Variants in DEFB114 observed in about 807,000 individuals in gnomAD.
DEFB114 encodes the protein defensin beta 114, also known as beta-defensin 114.
In DEFB114, 4 loss-of-function variants were observed where a neutral mutation model predicts 2.4. The ratio of observed to expected loss-of-function variants is 1.67; its 90% CI spans 0.82 to 3.82. DEFB114 has a LOEUF of 3.82. DEFB114 is among the 30% of genes most tolerant of loss of function. DEFB114 has a pLI of 0.01. For missense variants in DEFB114, 113 were observed against 85.8 expected (o/e 1.32, Z -1.25); for synonymous variants, 35 against 24.6 (o/e 1.42, Z -1.26).
chr6:49,962,056 T>C (rs1245513520), intron 1 of DEFB114, among the ~76,000 whole-genome samples: 1 of 150,508 alleles, frequency 6.6e-6, no homozygotes, highest in Non-Finnish European at 1.5e-5. Flanking sequence ...TTTGAATACT[T>C]TTGTACTTGA....
At position 49,960,298 on chromosome 6, in the gene DEFB114, C is replaced by T; in HGVS notation, c.204G>A (p.Met68Ile). 1 of 1,601,960 alleles carries T rather than the reference C, an allele frequency of 6.2e-7. No individual in the cohort carries two copies. The highest frequency in any genetic ancestry group is 8.5e-7 in the Non-Finnish European group (1 of 1,173,570). Reference protein sequence around the residue: ...CTEKLYEEDDMF With the variant: ...CTEKLYEEDDIF ...CAGAGGTATGCCTTTCTTTTCAAAA[C>T]ATATCATCTTCTTCATACAATTTCT... Residue 68 changes from methionine (M) to isoleucine (I), a missense_variant, in exon 2 of 2, where the codon ATG becomes ATA. Physicochemically the swap from Met to Ile is conservative, Grantham distance 10. Transcript: ENST00000322066.
chr6:49,960,495 A>G lies in DEFB114; in HGVS notation c.56-49T>C, dbSNP rs904407265. The G allele has an allele frequency of 2.0e-6, 3 of 1,537,354 alleles. No individual in the cohort carries two copies. The Admixed American group carries it at 6.4e-5, about 33-fold the overall frequency. ...AAATTCTAATCTTTTATTTAAGCAT[A>G]TATTACTTCTGATTTCATAGAGTAT... On this transcript the variant is annotated intron_variant, in intron 1 of 1. Transcript: ENST00000322066.
Position 49,960,425 on chromosome 6 carries a change from G to T in DEFB114, c.77C>A (p.Ala26Asp). Residue 26 changes from alanine to aspartate, a missense_variant, in exon 2 of 2, where the codon GCT becomes GAT. Physicochemically the swap from Ala to Asp is moderately radical, Grantham distance 126. Coordinates refer to ENST00000322066, the MANE Select transcript of DEFB114 (RefSeq NM_001037499.2). ...ILPATCTLVN[A>D]DRCTKRYGRC... is the part of the protein sequence containing the mutation. Reference sequence around the variant, plus strand: ...ACCGTAACGTTTGGTGCAACGATCAGCATTCACCAAGGTACATGTGGCTAC... The same window carrying T: ...ACCGTAACGTTTGGTGCAACGATCATCATTCACCAAGGTACATGTGGCTAC... 6.2e-7 allele frequency: 1 copy of T among 1,601,850 alleles called. No individual in the cohort carries two copies.
chr6:49,962,422 T>A (rs1205309045), intron 1 of DEFB114, among the ~76,000 whole-genome samples: 1 of 150,474 alleles, frequency 6.6e-6, no homozygotes, highest in Non-Finnish European at 1.5e-5. Context: ...GTGATCCATC[T>A]TTGGTTTTCT....
intron 1 of DEFB114, among the ~76,000 whole-genome samples, chr6:49,960,721 T>G (rs1207855203): frequency 6.6e-6 from 1 of 150,702 alleles, no homozygotes; most frequent in African/African-American, 2.4e-5. Flanking sequence ...CAAAAAAAAA[T>G]TCAAGATATT....
chr6:49,962,314 T>G (rs1015360893), intron 1 of DEFB114, among the ~76,000 whole-genome samples: 3 of 150,472 alleles, frequency 2.0e-5, no homozygotes, highest in Non-Finnish European at 3.0e-5. Flanking sequence ...TTAACCCATT[T>G]TATATTTCAT....
At chr6:49,961,745 A>G (rs1773464140) in intron 1 of DEFB114, among the ~76,000 whole-genome samples, 1 of 150,688 alleles carries the variant, frequency 6.6e-6, no homozygotes, top group African/African-American at 2.4e-5. Context: ...GAAATAGAAC[A>G]TTTCCGGCAC....
chr6:49,960,293 C>T lies in DEFB114; in HGVS notation c.209G>A (p.Ter70=). ...TTGTTCAGAGGTATGCCTTTCTTTT[C>T]AAAACATATCATCTTCTTCATACAA... The part of the protein sequence containing the change: ...EKLYEEDDMF[*] Residue 70 remains the stop codon, a stop_retained_variant, in exon 2 of 2, where the codon TGA becomes TAA. Coordinates refer to ENST00000322066, the MANE Select transcript of DEFB114 (RefSeq NM_001037499.2). 1 of 1,600,626 alleles carries T rather than the reference C, an allele frequency of 6.2e-7. No individual in the cohort carries two copies. Among genetic ancestry groups the T allele is most frequent in the South Asian group, 1.1e-5 (1 of 89,710 alleles).
intron 1 of DEFB114, among the ~76,000 whole-genome samples, chr6:49,961,725 C>T (rs1314268211): frequency 1.3e-5 from 2 of 150,774 alleles, no homozygotes; most frequent in Admixed American, 6.6e-5. Context: ...GTAAACACTA[C>T]CCAAGTCAAG....
At chr6:49,961,053 G>A (rs949754981) in intron 1 of DEFB114, among the ~76,000 whole-genome samples, 1 of 150,462 alleles carries the variant, frequency 6.6e-6, no homozygotes, top group African/African-American at 2.4e-5. Flanking sequence ...AAGTTCATAA[G>A]AATTTTAAAA....
At position 49,964,153 on chromosome 6, in the gene DEFB114, T is replaced by C. The variant is rs763612924; in HGVS notation, c.-48A>G. The stretch of plus-strand genomic sequence containing the variant: ...AGACTTGATAACAGAATATAGAGAC[T>C]ATAGAACTTTCCAAAACCCAAAAGA... On this transcript the variant is annotated 5_prime_UTR_variant, in exon 1 of 2. It adds an upstream start codon to the 5' untranslated region. Transcript: ENST00000322066. The C allele has an allele frequency of 2.9e-6, 4 of 1,367,686 alleles. No homozygotes were observed. The highest frequency in any genetic ancestry group is 3.0e-5 in the African/African-American group (2 of 67,106). 84.7% of individuals were successfully genotyped at this position (1,367,686 alleles called of 1,614,324 possible). A position where few individuals can be genotyped will look rare whatever the true frequency, so the allele number is the denominator to read the frequency against.
chr6:49,960,521 G>T, intron 1 of DEFB114, 75 bp from the exon 2 acceptor site: 1 of 1,445,322 alleles, frequency 6.9e-7, no homozygotes, highest in South Asian at 1.4e-5. Flanking sequence ...CATAGAGTAT[G>T]ATGTGTACAT....
Position 49,960,402 on chromosome 6 carries a change from C to T in DEFB114, c.100G>A (p.Gly34Ser), listed in dbSNP as rs533824519. The change falls in exon 2 of 2, where the codon GGT (glycine) becomes AGT (serine). Residue 34 changes from glycine (G) to serine (S), a missense_variant. By Grantham distance (56) the Gly-to-Ser change is moderately conservative (BLOSUM62 0). Coordinates refer to ENST00000322066, the MANE Select transcript of DEFB114 (RefSeq NM_001037499.2). ...VNADRCTKRY[G>S]RCKRDCLESE... ...TCAAGACAGTCTCTTTTACAACGAC[C>T]GTAACGTTTGGTGCAACGATCAGCA... The T allele has an allele frequency of 1.1e-4, 182 of 1,607,252 alleles. 3 individuals carry two copies. The South Asian group carries it at 1.8e-3, about 16-fold the overall frequency.
At chr6:49,960,682 A>G (rs570883313) in intron 1 of DEFB114, among the ~76,000 whole-genome samples, 92 of 151,014 alleles carry the variant, frequency 6.1e-4, no homozygotes, top group Admixed American at 1.9e-3. Context: ...TTAATATATG[A>G]TTAAAAACTT....
intron 1 of DEFB114, among the ~76,000 whole-genome samples, chr6:49,963,539 G>T (rs953622757): frequency 6.7e-6 from 1 of 149,380 alleles, no homozygotes; most frequent in African/African-American, 2.4e-5. Flanking sequence ...TAGATATATG[G>T]ATATAACTAT....
At chr6:49,960,789 TATCTA>T in intron 1 of DEFB114, among the ~76,000 whole-genome samples, 1 of 151,010 alleles carries the variant, frequency 6.6e-6, no homozygotes, top group Non-Finnish European at 1.5e-5. Context: ...AATCATATCA[TATCTA>T]AAGTTTTTAA....
At position 49,964,125 on chromosome 6, in the gene DEFB114, G is replaced by A. The variant is rs1301590719; in HGVS notation, c.-20C>T. On this transcript the variant is annotated 5_prime_UTR_variant, in exon 1 of 2. Transcript: ENST00000322066. ...CCTCATTCTGTAGAAAGAAGTTGTT[G>A]AAAGACTTGATAACAGAATATAGAG... 3 of 1,554,658 alleles carry A rather than the reference G, an allele frequency of 1.9e-6. No homozygotes were observed. The highest frequency in any genetic ancestry group is 3.6e-5 in the Admixed American group (2 of 55,826).
At chr6:49,962,911 G>A (rs1773485815) in intron 1 of DEFB114, among the ~76,000 whole-genome samples, 1 of 149,910 alleles carries the variant, frequency 6.7e-6, no homozygotes, top group Non-Finnish European at 1.5e-5. Flanking sequence ...ATATGTATTA[G>A]ATAATTTCTG....
At chr6:49,962,082 C>T (rs761202257) in intron 1 of DEFB114, among the ~76,000 whole-genome samples, 4 of 150,490 alleles carry the variant, frequency 2.7e-5, no homozygotes, top group Non-Finnish European at 6.0e-5. Flanking sequence ...GGGGCACATG[C>T]TCAGGCATTT....
Sources: allele counts gnomAD v4.1 joint callset (sites outside exome capture counted in the v4.1 genomes callset), GRCh38; gene constraint gnomAD v4.1.1; transcripts MANE v1.5; gene names NCBI Gene and HGNC (gene_info 2026-07-23, HGNC 2026-07-21).